ACAP2: variants seen among roughly 807,000 people sequenced by gnomAD.
ACAP2 encodes the protein ArfGAP with coiled-coil, ankyrin repeat and PH domains 2.
A neutral mutation model predicts 115.8 loss-of-function variants in ACAP2; 39 were observed. The ratio of observed to expected loss-of-function variants is 0.34; its 90% CI spans 0.26 to 0.44. The LOEUF is 0.44. ACAP2 is among the 20% of genes least tolerant of loss of function. The pLI is 1.00. For synonymous variants in ACAP2, 289 were observed against 315.8 expected (o/e 0.92, Z 0.90); for missense variants, 662 against 927.6 (o/e 0.71, Z 3.72).
rs1727281804 is a variant in ACAP2 at position 195,291,874 on chromosome 3, A to G, written c.1954-59T>C. ...AGCAAATAACAAGAAACAACAATACATTTCTTTTTAAAAACAATTGGTTTT... is the reference window on the plus strand; with the variant it reads ...AGCAAATAACAAGAAACAACAATACGTTTCTTTTTAAAAACAATTGGTTTT... On this transcript the variant is annotated intron_variant, in intron 19 of 22. Coordinates refer to ENST00000326793, the MANE Select transcript of ACAP2 (RefSeq NM_012287.6). 2.8e-6 allele frequency: 4 copies of G among 1,416,570 alleles called. No individual in the cohort carries two copies. In the East Asian group the frequency reaches 9.7e-5, roughly 34 times the overall value. 87.8% of individuals were successfully genotyped at this position (1,416,570 alleles called of 1,614,324 possible). A position where few individuals can be genotyped will look rare whatever the true frequency, so the allele number is the denominator to read the frequency against.
chr3:195,418,160 G>A (rs76889647), intron 1 of ACAP2, among the ~76,000 whole-genome samples: 3,257 of 152,190 alleles, frequency 0.021, 115 homozygotes, highest in East Asian at 0.1. Flanking sequence ...TGTACTTCAC[G>A]TTGGTAATTC....
chr3:195,296,955 T>C (rs574245751), intron 16 of ACAP2, among the ~76,000 whole-genome samples: 2 of 152,284 alleles, frequency 1.3e-5, no homozygotes, highest in East Asian at 3.9e-4. Context: ...TCTACATTCC[T>C]ATGCAGAGCC....
intron 4 of ACAP2, among the ~76,000 whole-genome samples, chr3:195,375,333 C>A (rs1217215965): frequency 2.0e-5 from 3 of 152,002 alleles, no homozygotes; most frequent in Non-Finnish European, 4.4e-5. Flanking sequence ...CAGATAGGTG[C>A]CCTTATCTCC....
intron 1 of ACAP2, among the ~76,000 whole-genome samples, chr3:195,438,830 C>T (rs1160309062): frequency 1.3e-5 from 2 of 152,180 alleles, no homozygotes; most frequent in Admixed American, 6.5e-5. Flanking sequence ...GAGGCTGAGG[C>T]GGGCGGATCA....
chr3:195,399,712 A>AT (rs1253923953), intron 1 of ACAP2, among the ~76,000 whole-genome samples: 1 of 152,190 alleles, frequency 6.6e-6, no homozygotes, highest in African/African-American at 2.4e-5. Context: ...ATGGAGGAGT[A>AT]TAATTGAAAA....
intron 18 of ACAP2, among the ~76,000 whole-genome samples, chr3:195,294,509 C>A (rs1335545209): frequency 6.9e-6 from 1 of 145,342 alleles, no homozygotes; most frequent in African/African-American, 2.6e-5. Context: ...AACTGGAAGG[C>A]GGAGGTTGCA....
At chr3:195,291,869 A>G (rs1476228152) in intron 19 of ACAP2, 54 bp from the exon 20 acceptor site, 2 of 1,446,712 alleles carry the variant, frequency 1.4e-6, no homozygotes, top group South Asian at 1.3e-5. Context: ...AAGAAACAAC[A>G]ATACATTTCT....
chr3:195,428,234 C>T (rs1223771440), intron 1 of ACAP2, among the ~76,000 whole-genome samples: 8 of 149,922 alleles, frequency 5.3e-5, no homozygotes, highest in African/African-American at 1.7e-4. Flanking sequence ...TGTATATATG[C>T]AGTCATATAT....
chr3:195,304,603 C>CT (rs1353876093), intron 13 of ACAP2, among the ~76,000 whole-genome samples: 2 of 152,208 alleles, frequency 1.3e-5, no homozygotes, highest in East Asian at 3.8e-4. Context: ...AACAGAGTCT[C>CT]TGAATCGACT....
At position 195,306,584 on chromosome 3, in the gene ACAP2, A is replaced by C; in HGVS notation, c.1043T>G (p.Leu348Arg). Residue 348 changes from leucine to arginine, a missense_variant, in exon 13 of 23, where the codon CTG becomes CGG. Leu to Arg is a moderately radical substitution (Grantham distance 102, BLOSUM62 -2). Coordinates refer to ENST00000326793, the MANE Select transcript of ACAP2 (RefSeq NM_012287.6). ...SCMLQADSEKLRQAWIKAVQT... is the reference protein window; with the variant it reads ...SCMLQADSEKRRQAWIKAVQT... ...AACAGCCTTAATCCATGCCTGGCGC[A>C]GCTTTTCGGAATCTGCCTGGAGCAT... 6.2e-7 allele frequency: 1 copy of C among 1,613,030 alleles called. No homozygotes were observed. Among genetic ancestry groups the C allele is most frequent in the Non-Finnish European group, 8.5e-7 (1 of 1,179,548 alleles).
chr3:195,373,990 A>C (rs933891909), intron 4 of ACAP2, among the ~76,000 whole-genome samples: 11 of 152,178 alleles, frequency 7.2e-5, no homozygotes, highest in Middle Eastern at 3.2e-3. Flanking sequence ...TGAGTCACTA[A>C]GTGAGTCAGT....
intron 1 of ACAP2, among the ~76,000 whole-genome samples, chr3:195,432,547 T>A (rs557016490): frequency 6.6e-6 from 1 of 152,372 alleles, no homozygotes; most frequent in South Asian, 2.1e-4. Context: ...CACTGATCTA[T>A]ATGTCTATCC....
intron 4 of ACAP2, among the ~76,000 whole-genome samples, chr3:195,348,178 T>C (rs1410161966): frequency 6.6e-6 from 1 of 152,070 alleles, no homozygotes; most frequent in South Asian, 2.1e-4. Context: ...TGAATAGATA[T>C]GTGATAAAGC....
At position 195,397,605 on chromosome 3, in the gene ACAP2, C is replaced by CA. The variant is rs78871756; in HGVS notation, c.54-5459dup. Among the ~76,000 whole-genome samples the CA allele has an allele frequency of 8.7e-3, 1,184 of 136,078 alleles. 16 individuals are homozygous for CA. The highest frequency in any genetic ancestry group is 0.028 in the African/African-American group (1,053 of 37,094). The allele number at this position is 136,078 out of a possible 152,430, so 89.3% of individuals were successfully genotyped here. A position where few individuals can be genotyped will look rare whatever the true frequency, so the allele number is the denominator to read the frequency against. On this transcript the variant is annotated intron_variant, in intron 1 of 22. Coordinates refer to ENST00000326793, the MANE Select transcript of ACAP2 (RefSeq NM_012287.6). ...TGTTGAGAGGCAGTAGAATAAAGTT[C>CA]AAAAAAAAAAAAGAAAACTTCTTGT...
intron 1 of ACAP2, among the ~76,000 whole-genome samples, chr3:195,400,260 A>G (rs1712171957): frequency 6.6e-6 from 1 of 151,810 alleles, no homozygotes; most frequent in African/African-American, 2.4e-5. Context: ...TAATCATCCT[A>G]CATGGAGAAT....
intron 1 of ACAP2, among the ~76,000 whole-genome samples, chr3:195,392,426 A>G (rs1206405105): frequency 6.6e-6 from 1 of 152,234 alleles, no homozygotes; most frequent in Admixed American, 6.5e-5. Flanking sequence ...GCTATTTAGC[A>G]CGTACTTTTT....
chr3:195,432,924 G>A (rs1715247716), intron 1 of ACAP2, among the ~76,000 whole-genome samples: 1 of 151,750 alleles, frequency 6.6e-6, no homozygotes, highest in Non-Finnish European at 1.5e-5. Flanking sequence ...TAGACAGATT[G>A]GTTTTCTTTG....
At chr3:195,332,524 A>G (rs1267161543) in intron 8 of ACAP2, among the ~76,000 whole-genome samples, 1 of 152,182 alleles carries the variant, frequency 6.6e-6, no homozygotes, top group Non-Finnish European at 1.5e-5. Flanking sequence ...AATCTGCTAT[A>G]GCATCCAACT....
intron 20 of ACAP2, among the ~76,000 whole-genome samples, chr3:195,290,894 C>T (rs1300443903): frequency 6.6e-6 from 1 of 151,516 alleles, no homozygotes; most frequent in Non-Finnish European, 1.5e-5. Flanking sequence ...GACACAGTGG[C>T]TCACACCTAT....
Sources: allele counts gnomAD v4.1 joint callset (sites outside exome capture counted in the v4.1 genomes callset), GRCh38; gene constraint gnomAD v4.1.1; transcripts MANE v1.5; gene names NCBI Gene and HGNC (gene_info 2026-07-23, HGNC 2026-07-21).